Variants in MCCC2 observed in about 807,000 individuals in gnomAD.
MCCC2 encodes methylcrotonoyl-CoA carboxylase beta chain, mitochondrial.
A neutral mutation model predicts 77.2 loss-of-function variants in MCCC2; 52 were observed. That is an observed-to-expected ratio of 0.67 (90% CI 0.54 to 0.85). MCCC2 has a LOEUF of 0.85. Among genes scored for constraint, MCCC2 ranks in the 40% least tolerant of loss-of-function variants. The pLI is 0.00. For missense variants in MCCC2, 682 were observed against 703.2 expected, an observed-to-expected ratio of 0.97 and a Z score of 0.34; for synonymous variants, 253 against 248.4, an observed-to-expected ratio of 1.02 and a Z score of -0.18.
intron 6 of MCCC2, among the ~76,000 whole-genome samples, chr5:71,620,998 C>T (rs1014266789): frequency 6.6e-6 from 1 of 152,154 alleles, no homozygotes; most frequent in African/African-American, 2.4e-5. Context: ...GATGTCTGTC[C>T]TGGTACAATG....
At chr5:71,596,676 T>G (rs1487141106) in intron 3 of MCCC2, among the ~76,000 whole-genome samples, 1 of 152,126 alleles carries the variant, frequency 6.6e-6, no homozygotes, top group Non-Finnish European at 1.5e-5. Context: ...GTGTGGTGGC[T>G]CACTCCTGTA....
intron 7 of MCCC2, among the ~76,000 whole-genome samples, chr5:71,629,135 C>T (rs1455160096): frequency 7.3e-5 from 11 of 150,348 alleles, no homozygotes; most frequent in African/African-American, 2.2e-4. Flanking sequence ...TACTGGGAGG[C>T]GGAGGTTGCA....
intron 6 of MCCC2, among the ~76,000 whole-genome samples, chr5:71,614,442 T>C (rs10055460): frequency 0.79 from 119,452 of 151,530 alleles, 47,753 homozygotes; most frequent in East Asian, 0.87. Flanking sequence ...GAGTTTAAGA[T>C]CTAACGTGGC....
At chr5:71,637,706 A>T (rs1746977344) in intron 10 of MCCC2, among the ~76,000 whole-genome samples, 1 of 152,078 alleles carries the variant, frequency 6.6e-6, no homozygotes, top group African/African-American at 2.4e-5. Flanking sequence ...GTTTGCTAGC[A>T]TTTGATCCAG....
At chr5:71,589,866 C>A (rs557885587) in intron 1 of MCCC2, among the ~76,000 whole-genome samples, 1 of 152,234 alleles carries the variant, frequency 6.6e-6, no homozygotes, top group African/African-American at 2.4e-5. Context: ...TAACACAGAG[C>A]CTGAATTTGA....
At chr5:71,612,746 C>A (rs1244186620) in intron 6 of MCCC2, among the ~76,000 whole-genome samples, 2 of 152,198 alleles carry the variant, frequency 1.3e-5, no homozygotes, top group African/African-American at 4.8e-5. Flanking sequence ...AAAGCAACAG[C>A]AATTTATGTA....
intron 7 of MCCC2, among the ~76,000 whole-genome samples, chr5:71,627,144 C>T (rs978732178): frequency 6.6e-6 from 1 of 152,160 alleles, no homozygotes; most frequent in Non-Finnish European, 1.5e-5. Context: ...CTTCATGGTT[C>T]TTCTATATTG....
intron 1 of MCCC2, among the ~76,000 whole-genome samples, chr5:71,592,059 C>T (rs1248458916): frequency 1.3e-5 from 2 of 152,202 alleles, no homozygotes; most frequent in African/African-American, 4.8e-5. Context: ...TAAGCCACCA[C>T]ACTCAGCCTG....
intron 12 of MCCC2, 96 bp from the exon 13 acceptor site, chr5:71,646,115 T>G (rs747503997): frequency 1.4e-5 from 15 of 1,099,966 alleles, no homozygotes; most frequent in African/African-American, 4.7e-5. Flanking sequence ...GGAGTATTCT[T>G]TCTTGTCTTT....
At chr5:71,627,021 C>T (rs897054747) in intron 7 of MCCC2, among the ~76,000 whole-genome samples, 3 of 152,168 alleles carry the variant, frequency 2.0e-5, no homozygotes, top group African/African-American at 7.2e-5. Context: ...ACCTCGGCAC[C>T]ACCATTCTAC....
chr5:71,602,226 A>G (rs553253517), intron 4 of MCCC2, among the ~76,000 whole-genome samples: 1 of 152,228 alleles, frequency 6.6e-6, no homozygotes, highest in Middle Eastern at 3.4e-3. Context: ...CACAAGGCTT[A>G]GGTTGTTAGT....
intron 6 of MCCC2, among the ~76,000 whole-genome samples, chr5:71,617,000 G>A (rs1746175471): frequency 6.6e-6 from 1 of 151,948 alleles, no homozygotes; most frequent in Non-Finnish European, 1.5e-5. Context: ...GACACATGCT[G>A]CAAGGTTATT....
chr5:71,600,575 G>A (rs1489772209), intron 4 of MCCC2, among the ~76,000 whole-genome samples: 1 of 152,126 alleles, frequency 6.6e-6, no homozygotes, highest in African/African-American at 2.4e-5. Flanking sequence ...ACAAGCATGA[G>A]CCATTGCTCT....
At chr5:71,646,028 C>CTCCA (rs1205084727) in intron 12 of MCCC2, among the ~76,000 whole-genome samples, 183 bp from the exon 13 acceptor site, 3 of 150,882 alleles carry the variant, frequency 2.0e-5, no homozygotes, top group Non-Finnish European at 4.4e-5. Context: ...TGCCACTGTA[C>CTCCA]TCCAGCCTGG....
At chr5:71,608,632 G>C (rs62361819) in intron 6 of MCCC2, among the ~76,000 whole-genome samples, 6,911 of 152,210 alleles carry the variant, frequency 0.045, 213 homozygotes, top group Non-Finnish European at 0.071. Flanking sequence ...ATGTTAGCTG[G>C]TGATTTTGCT....
chr5:71,599,653 C>T lies in MCCC2; in HGVS notation c.282-6C>T. 1 of 1,609,634 alleles carries T rather than the reference C, an allele frequency of 6.2e-7. No homozygotes were observed. Among genetic ancestry groups the T allele is most frequent in the Non-Finnish European group, 8.5e-7 (1 of 1,175,936 alleles). On this transcript the variant is annotated splice_polypyrimidine_tract_variant and splice_region_variant and intron_variant, in intron 3 of 16. Coordinates refer to ENST00000340941, the MANE Select transcript of MCCC2 (RefSeq NM_022132.5). Reference sequence around the variant, plus strand: ...TAATTCAAACAACATCCTTTCTTCGCTTTAGGTCTCCATTTCTGGAATTAT... The same window carrying T: ...TAATTCAAACAACATCCTTTCTTCGTTTTAGGTCTCCATTTCTGGAATTAT...
chr5:71,627,498 G>C (rs1440124066), intron 7 of MCCC2, among the ~76,000 whole-genome samples: 1 of 152,156 alleles, frequency 6.6e-6, no homozygotes, highest in East Asian at 1.9e-4. Context: ...GGGCATTTAG[G>C]TTGCTTCTGC....
chr5:71,632,779 G>A (rs1746763992), intron 8 of MCCC2, among the ~76,000 whole-genome samples: 1 of 152,152 alleles, frequency 6.6e-6, no homozygotes, highest in South Asian at 2.1e-4. Flanking sequence ...AGACACAGAT[G>A]CACGTAGTTG....
chr5:71,602,660 CTAT>C (rs1745488719), intron 5 of MCCC2, 27 bp downstream of exon 5: 2 of 1,614,068 alleles, frequency 1.2e-6, no homozygotes, highest in Non-Finnish European at 1.7e-6. Context: ...GTAAAATAAA[CTAT>C]TATTAGCTGG....
Sources: allele counts gnomAD v4.1 joint callset (sites outside exome capture counted in the v4.1 genomes callset), GRCh38; gene constraint gnomAD v4.1.1; transcripts MANE v1.5; gene names NCBI Gene and HGNC (gene_info 2026-07-23, HGNC 2026-07-21).